Variants in MLC1 observed in about 807,000 individuals in gnomAD.
The protein encoded by MLC1 is membrane protein MLC1.
Under a neutral mutation model 44.7 loss-of-function variants are expected in MLC1, and 32 were observed. That is an observed-to-expected ratio of 0.72 (90% CI 0.54 to 0.96). MLC1 has a LOEUF of 0.96. Among genes scored for constraint, MLC1 ranks in the 40% least tolerant of loss-of-function variants. MLC1 has a pLI of 0.00. For missense variants in MLC1, 459 were observed against 492.2 expected (o/e 0.93, Z 0.64); for synonymous variants, 190 against 213.0 (o/e 0.89, Z 0.94).
rs1569244190 is a variant in MLC1 at position 50,068,494 on chromosome 22, T to C, written c.833A>G (p.Tyr278Cys). Residue 278 changes from tyrosine to cysteine, a missense_variant, in exon 10 of 12, where the codon TAT becomes TGT. Physicochemically the swap from Tyr to Cys is radical, Grantham distance 194. Coordinates refer to ENST00000311597, the MANE Select transcript of MLC1 (RefSeq NM_015166.4). Reference sequence around the variant, plus strand: ...GATTCTCATGATGCTGAATGACAGATATCCAGAGGCTGTGAACAGCAGCGG... The same window carrying C: ...GATTCTCATGATGCTGAATGACAGACATCCAGAGGCTGTGAACAGCAGCGG... Reference protein sequence around the residue: ...TSPLLFTASGYLSFSIMRIVE... With the variant: ...TSPLLFTASGCLSFSIMRIVE... The C allele has an allele frequency of 1.2e-6, 2 of 1,613,910 alleles. No homozygotes were observed. The highest frequency in any genetic ancestry group is 2.2e-5 in the South Asian group (2 of 91,086).
At chr22:50,071,553 C>T (rs1354945478) in intron 8 of MLC1, among the ~76,000 whole-genome samples, 2 of 152,192 alleles carry the variant, frequency 1.3e-5, no homozygotes, top group East Asian at 1.9e-4. Flanking sequence ...AGCCCATCAG[C>T]TGCAGTCGGG....
At chr22:50,072,422 C>G (rs939664849) in intron 8 of MLC1, among the ~76,000 whole-genome samples, 1 of 152,230 alleles carries the variant, frequency 6.6e-6, no homozygotes, top group African/African-American at 2.4e-5. Context: ...ACCACGCATG[C>G]CTCAGCGCTC....
chr22:50,079,664 T>A (rs1476338023), intron 5 of MLC1, among the ~76,000 whole-genome samples: 4 of 151,946 alleles, frequency 2.6e-5, no homozygotes, highest in Non-Finnish European at 5.9e-5. Context: ...TGAAACATAG[T>A]ATTATGTCAC....
At chr22:50,079,715 A>G (rs928816533) in intron 5 of MLC1, among the ~76,000 whole-genome samples, 2 of 152,072 alleles carry the variant, frequency 1.3e-5, no homozygotes, top group African/African-American at 2.4e-5. Context: ...ATTGTTTACC[A>G]ATAAATCTGT....
At position 50,062,866 on chromosome 22, in the gene MLC1, C is replaced by T. The variant is rs554094202; in HGVS notation, c.1059+1168G>A. 4.6e-5 allele frequency among the ~76,000 whole-genome samples: 7 copies of T among 152,302 alleles called. No individual in the cohort carries two copies. In the East Asian group the frequency reaches 1.2e-3, roughly 25 times the overall value. On this transcript the variant is annotated intron_variant, in intron 11 of 11. Transcript: ENST00000311597. ...GACCCGTAGCTCGGTGGGGGGAAGA[C>T]GCTGAGCCTCTGCCTTTCAGATGTG...
intron 7 of MLC1, among the ~76,000 whole-genome samples, chr22:50,075,718 G>GA (rs368879290): frequency 0.11 from 15,763 of 141,436 alleles, 917 homozygotes; most frequent in South Asian, 0.23. Context: ...AAAAAAAAAG[G>GA]AAAAAAAAAA....
At chr22:50,062,796 C>T (rs1883293) in intron 11 of MLC1, among the ~76,000 whole-genome samples, 2 of 152,248 alleles carry the variant, frequency 1.3e-5, no homozygotes, top group African/African-American at 2.4e-5. Context: ...GTGGTCACTG[C>T]ACCTGAGGGT....
chr22:50,076,472 T>C (rs938191814), intron 7 of MLC1, among the ~76,000 whole-genome samples: 2 of 152,024 alleles, frequency 1.3e-5, no homozygotes, highest in East Asian at 1.9e-4. Context: ...GGAGAATTAC[T>C]TGAACCTGGG....
rs575579861 is a variant in MLC1 at position 50,083,957 on chromosome 22, C to T, written c.177+769G>A. ...CCTCTGTCCCCAGCTCCGAGGCAGA[C>T]GCCTGTCTTGGTGGGGCATGCTCAG... is the stretch of plus-strand genomic sequence containing the variant. On this transcript the variant is annotated intron_variant, in intron 2 of 11. Transcript: ENST00000311597. This position sits in a 1 kb window ranked among gnomAD's most constrained non-coding sequence, Gnocchi z 4.6. Among the ~76,000 whole-genome samples, 6 of 152,114 alleles carry T rather than the reference C, an allele frequency of 3.9e-5. No homozygotes were observed. In the South Asian group the frequency reaches 1.2e-3, roughly 32 times the overall value.
intron 4 of MLC1, 66 bp downstream of exon 4, chr22:50,080,278 G>A (rs2062088769): frequency 2.0e-6 from 3 of 1,529,964 alleles, no homozygotes; most frequent in African/African-American, 2.8e-5. Flanking sequence ...AAGCACACAT[G>A]GGCACACTGT....
intron 9 of MLC1, among the ~76,000 whole-genome samples, chr22:50,070,220 A>T (rs1243582469): frequency 3.9e-5 from 6 of 152,054 alleles, no homozygotes; most frequent in Non-Finnish European, 7.4e-5. Context: ...AAAAAAAAAC[A>T]ATCGACCAGC....
At chr22:50,075,167 G>GCT (rs2061948921) in intron 7 of MLC1, among the ~76,000 whole-genome samples, 1 of 150,164 alleles carries the variant, frequency 6.7e-6, no homozygotes, top group Non-Finnish European at 1.5e-5. Flanking sequence ...CTCAGGGAGG[G>GCT]GCCGCAACCA....
intron 7 of MLC1, among the ~76,000 whole-genome samples, chr22:50,076,554 C>CA (rs1262682508): frequency 0.037 from 4,148 of 113,288 alleles, 60 homozygotes; most frequent in Non-Finnish European, 0.042. Flanking sequence ...GACTCCGTCT[C>CA]AAAAAAAAAA....
rs370539337 is a variant in MLC1 at position 50,077,388 on chromosome 22, A to G, written c.525+13T>C. On this transcript the variant is annotated intron_variant, in intron 6 of 11. Transcript: ENST00000311597. ...TGCACCCCCTGCCCTGCGGGGTCAG[A>G]AGCTGCACCCACCTTCTTTTTCTTG... The G allele has an allele frequency of 1.2e-6, 2 of 1,611,330 alleles. No individual in the cohort carries two copies. The highest frequency in any genetic ancestry group is 2.7e-5 in the African/African-American group (2 of 74,898).
intron 9 of MLC1, among the ~76,000 whole-genome samples, chr22:50,069,331 A>G (rs1195465437): frequency 1.3e-5 from 2 of 152,044 alleles, no homozygotes; most frequent in Non-Finnish European, 2.9e-5. Context: ...TTTCATTCAC[A>G]GCACAGTGCC....
Position 50,064,177 on chromosome 22 carries a change from G to A in MLC1, c.916C>T (p.Leu306=). The change falls in exon 11 of 12, where the codon CTG becomes TTG. Residue 306 remains leucine, a synonymous_variant. Transcript: ENST00000311597. ...AGCAGGAGCACTAGCAGCAGCAGCA[G>A]CAGCAGCACATCGTAGGATGGCTGC... ...AIKPSYDVLL[L]LLLLVLLLQA... 6.2e-7 allele frequency: 1 copy of A among 1,602,758 alleles called. No homozygotes were observed. Among genetic ancestry groups the A allele is most frequent in the Non-Finnish European group, 8.5e-7 (1 of 1,179,046 alleles).
At position 50,083,169 on chromosome 22, in the gene MLC1, C is replaced by T. The variant is rs1056395452; in HGVS notation, c.182G>A (p.Cys61Tyr). The T allele has an allele frequency of 6.2e-7, 1 of 1,613,892 alleles. No individual in the cohort carries two copies. The highest frequency in any genetic ancestry group is 8.5e-7 in the Non-Finnish European group (1 of 1,179,924). The change falls in exon 3 of 12, where the codon TGC (cysteine) becomes TAC (tyrosine). Residue 61 changes from cysteine (C) to tyrosine (Y), a missense_variant. Physicochemically the swap from Cys to Tyr is radical, Grantham distance 194. Transcript: ENST00000311597. This position sits in a 1 kb window ranked among gnomAD's most constrained non-coding sequence, Gnocchi z 4.6. Reference sequence around the variant, plus strand: ...CGAAAACCCCGAGGTCACCAGGAGGCAGCTCTGCAAGACAGCGACAGAATC... The same window carrying T: ...CGAAAACCCCGAGGTCACCAGGAGGTAGCTCTGCAAGACAGCGACAGAATC... ...TWVFSVLMGS[C>Y]LLVTSGFSLY...
intron 3 of MLC1, among the ~76,000 whole-genome samples, chr22:50,082,509 CA>C (rs1555968314): frequency 6.6e-6 from 1 of 152,234 alleles, no homozygotes; most frequent in Non-Finnish European, 1.5e-5. Flanking sequence ...CAGATGCTGC[CA>C]GCTCTGGCAG....
chr22:50,083,275 C>G lies in MLC1; in HGVS notation c.178-102G>C. The G allele has an allele frequency of 9.7e-7, 1 of 1,028,790 alleles. No individual in the cohort carries two copies. 63.7% of individuals were successfully genotyped at this position (1,028,790 alleles called of 1,614,324 possible). Reference sequence around the variant, plus strand: ...TCACTGTCTGTGTATTGGTGACTCACCCACGTCCCCCAGCATCAACCACAC... The same window carrying G: ...TCACTGTCTGTGTATTGGTGACTCAGCCACGTCCCCCAGCATCAACCACAC... On this transcript the variant is annotated intron_variant, in intron 2 of 11. Coordinates refer to ENST00000311597, the MANE Select transcript of MLC1 (RefSeq NM_015166.4). The surrounding 1 kb of genome is among the most constrained non-coding windows in gnomAD (Gnocchi z 4.6).
Sources: allele counts gnomAD v4.1 joint callset (sites outside exome capture counted in the v4.1 genomes callset), GRCh38; gene constraint gnomAD v4.1.1; non-coding constraint Gnocchi (gnomAD v3.1); transcripts MANE v1.5; gene names NCBI Gene and HGNC (gene_info 2026-07-23, HGNC 2026-07-21).